Variants in HDAC4 observed in about 807,000 individuals in gnomAD.
The protein encoded by HDAC4 is histone deacetylase 4.
Under a neutral mutation model 135.1 loss-of-function variants are expected in HDAC4, and 16 were observed. The ratio of observed to expected loss-of-function variants is 0.12; its 90% CI spans 0.08 to 0.18. HDAC4 has a LOEUF of 0.18. HDAC4 is among the 10% of genes least tolerant of loss of function. HDAC4 has a pLI of 1.00. For missense variants in HDAC4, 1,143 were observed against 1,511.8 expected (o/e 0.76, Z 4.05); for synonymous variants, 685 against 653.4 (o/e 1.05, Z -0.74).
At chr2:239,184,073 A>G (rs2044331493) in intron 4 of HDAC4, among the ~76,000 whole-genome samples, 1 of 98,924 alleles carries the variant, frequency 1.0e-5, no homozygotes, top group Non-Finnish European at 2.3e-5. Context: ...CTAGTGTAAA[A>G]AAAAAAAAAA....
At chr2:239,159,328 A>C (rs2042633186) in intron 6 of HDAC4, among the ~76,000 whole-genome samples, 1 of 147,236 alleles carries the variant, frequency 6.8e-6, no homozygotes, top group African/African-American at 2.5e-5. Flanking sequence ...CCTGCACTGC[A>C]CACTACTCAC....
chr2:239,344,828 G>A (rs1454486802), intron 2 of HDAC4, among the ~76,000 whole-genome samples: 1 of 152,142 alleles, frequency 6.6e-6, no homozygotes, highest in African/African-American at 2.4e-5. Context: ...AACTATCCAG[G>A]CATTTCTGTT....
chr2:239,357,770 T>G (rs189419479), intron 1 of HDAC4, among the ~76,000 whole-genome samples: 22 of 150,762 alleles, frequency 1.5e-4, no homozygotes, highest in African/African-American at 5.1e-4. Context: ...ATGCCTGTAG[T>G]CCCAGCTACT....
At chr2:239,377,466 G>A (rs932763233) in intron 1 of HDAC4, among the ~76,000 whole-genome samples, 7 of 152,178 alleles carry the variant, frequency 4.6e-5, no homozygotes, top group African/African-American at 7.2e-5. Context: ...CCACCAATGG[G>A]CCTCTCTGGA....
chr2:239,388,147 T>C (rs919538812), intron 1 of HDAC4, among the ~76,000 whole-genome samples: 2 of 152,134 alleles, frequency 1.3e-5, no homozygotes, highest in African/African-American at 4.8e-5. Context: ...TCATAGCACC[T>C]GGGGTTGGGG....
At chr2:239,235,248 G>A (rs918008178) in intron 3 of HDAC4, among the ~76,000 whole-genome samples, 2 of 151,868 alleles carry the variant, frequency 1.3e-5, no homozygotes, top group Admixed American at 6.6e-5. Flanking sequence ...GAGCCTTCCC[G>A]GAGCAGGGCA....
At chr2:239,168,023 C>G (rs1461462325) in intron 5 of HDAC4, among the ~76,000 whole-genome samples, 3 of 152,182 alleles carry the variant, frequency 2.0e-5, no homozygotes, top group Non-Finnish European at 2.9e-5. Flanking sequence ...CCCGGAGGGC[C>G]GTGGCCTGGG....
chr2:239,179,884 G>A (rs999915038), intron 4 of HDAC4, among the ~76,000 whole-genome samples: 1 of 152,240 alleles, frequency 6.6e-6, no homozygotes, highest in Non-Finnish European at 1.5e-5. Context: ...AGGGCTGCCC[G>A]CACGGAGGAA....
At chr2:239,238,497 A>T (rs2048011395) in intron 2 of HDAC4, among the ~76,000 whole-genome samples, 1 of 152,178 alleles carries the variant, frequency 6.6e-6, no homozygotes, top group South Asian at 2.1e-4. Context: ...CCTGTCCCCC[A>T]GAACTGCCTC....
At chr2:239,236,306 T>A (rs550200100) in intron 3 of HDAC4, among the ~76,000 whole-genome samples, 10 of 152,236 alleles carry the variant, frequency 6.6e-5, no homozygotes, top group African/African-American at 2.2e-4. Flanking sequence ...GGGTTACACC[T>A]AAGCCAGGCA....
In HDAC4 at chr2:239,052,720, C is replaced by G; in HGVS notation, c.*377G>C. On this transcript the variant is annotated 3_prime_UTR_variant, in exon 27 of 27. Transcript: ENST00000543185. ...TCAAGTTTGTTTTGTATTATTAGAT[C>G]TTTGATATTTGTTTTCTGTGCCTCG... is the stretch of plus-strand genomic sequence containing the variant. The G allele has an allele frequency of 3.3e-6, 1 of 300,686 alleles. No homozygotes were observed. Among genetic ancestry groups the G allele is most frequent in the East Asian group, 7.1e-5 (1 of 13,992 alleles). 18.6% of individuals were successfully genotyped at this position (300,686 alleles called of 1,614,324 possible). A position where few individuals can be genotyped will look rare whatever the true frequency, so the allele number is the denominator to read the frequency against.
At chr2:239,160,914 C>A (rs1455065526) in intron 6 of HDAC4, among the ~76,000 whole-genome samples, 1 of 152,258 alleles carries the variant, frequency 6.6e-6, no homozygotes, top group East Asian at 1.9e-4. Context: ...CAGATTCCAA[C>A]AGGCAGCACA....
chr2:239,225,835 G>C (rs1199014025), intron 3 of HDAC4, among the ~76,000 whole-genome samples: 1 of 152,200 alleles, frequency 6.6e-6, no homozygotes, highest in Non-Finnish European at 1.5e-5. Context: ...AAACACAGAG[G>C]GCCTGAGTTT....
rs568902186 is a variant in HDAC4 at position 239,103,283 on chromosome 2, C to T, written c.2113-387G>A. Among the ~76,000 whole-genome samples, 6 of 152,220 alleles carry T rather than the reference C, an allele frequency of 3.9e-5. No individual in the cohort carries two copies. In the South Asian group the frequency reaches 8.3e-4, roughly 21 times the overall value. On this transcript the variant is annotated intron_variant, in intron 15 of 26. Coordinates refer to ENST00000543185, the MANE Select transcript of HDAC4 (RefSeq NM_001378414.1). ...CCTCACGTTCAAGGGAAACCCCAGC[C>T]GCGCTCCCGGAGTCTCTGAGCCCCA...
intron 2 of HDAC4, among the ~76,000 whole-genome samples, chr2:239,321,554 T>G (rs1157613987): frequency 1.3e-5 from 2 of 151,934 alleles, no homozygotes; most frequent in Admixed American, 6.6e-5. Flanking sequence ...GTGTAAATGT[T>G]GGAAAAATAT....
chr2:239,291,804 C>T (rs1277910210), intron 2 of HDAC4, among the ~76,000 whole-genome samples: 1 of 152,206 alleles, frequency 6.6e-6, no homozygotes, highest in African/African-American at 2.4e-5. Flanking sequence ...TGTCCACCAT[C>T]GCCTTCTAGA....
chr2:239,052,824 G>A lies in HDAC4; in HGVS notation c.*273C>T, dbSNP rs1357536063. 3 of 508,414 alleles carry A rather than the reference G, an allele frequency of 5.9e-6. No individual in the cohort carries two copies. The allele number at this position is 508,414 out of a possible 1,614,324, so 31.5% of individuals were successfully genotyped here. A position where few individuals can be genotyped will look rare whatever the true frequency, so the allele number is the denominator to read the frequency against. On this transcript the variant is annotated 3_prime_UTR_variant, in exon 27 of 27. Coordinates refer to ENST00000543185, the MANE Select transcript of HDAC4 (RefSeq NM_001378414.1). ...ACGGCGTCCCTTGCGGGACCCGCCA[G>A]AGTGTGCTTGGCTTCCGCGTGTCCG...
intron 1 of HDAC4, among the ~76,000 whole-genome samples, chr2:239,372,210 C>T (rs1365985257): frequency 6.6e-6 from 1 of 152,198 alleles, no homozygotes; most frequent in Non-Finnish European, 1.5e-5. Flanking sequence ...ACAGAACCCA[C>T]TGCCCGAGGC....
intron 3 of HDAC4, among the ~76,000 whole-genome samples, chr2:239,204,424 A>G (rs1410719203): frequency 6.6e-6 from 1 of 152,188 alleles, no homozygotes; most frequent in Non-Finnish European, 1.5e-5. Flanking sequence ...GGGAACACAA[A>G]CACGATTTCC....
Sources: gnomAD v4.1 joint callset for allele counts (sites outside exome capture counted in the v4.1 genomes callset) on GRCh38, gnomAD v4.1.1 for gene constraint, MANE v1.5 for transcripts, NCBI Gene and HGNC (gene_info 2026-07-23, HGNC 2026-07-21) for gene names.